Variants in FBXO33 observed in about 807,000 individuals in gnomAD.
FBXO33 encodes F-box only protein 33.
A neutral mutation model predicts 46.3 loss-of-function variants in FBXO33; 22 were observed. The ratio of observed to expected loss-of-function variants is 0.48; its 90% CI spans 0.34 to 0.68. The LOEUF is 0.68. FBXO33 is among the 30% of genes least tolerant of loss of function. The probability of loss-of-function intolerance (pLI) is 0.01; values close to 1 mark genes in which losing one functional copy is unlikely to be tolerated. For synonymous variants in FBXO33, 337 were observed against 291.3 expected (o/e 1.16, Z -1.60); for missense variants, 692 against 708.8 (o/e 0.98, Z 0.27).
At position 39,410,399 on chromosome 14, in the gene FBXO33, C is replaced by T. The variant is rs74882316; in HGVS notation, c.600-7888G>A. Among the ~76,000 whole-genome samples, 34 of 152,226 alleles carry T rather than the reference C, an allele frequency of 2.2e-4. 1 individual carries two copies. The East Asian group carries it at 4.6e-3, about 21-fold the overall frequency. ...AGGGATAAATCCCATTTAGGATATA[C>T]GATCCTTTTAATGTGCTGTCAAATT... On this transcript the variant is annotated intron_variant, in intron 1 of 3. Transcript: ENST00000298097.
At chr14:39,415,642 A>G (rs1021762484) in intron 1 of FBXO33, among the ~76,000 whole-genome samples, 1 of 152,160 alleles carries the variant, frequency 6.6e-6, no homozygotes, top group Non-Finnish European at 1.5e-5. Context: ...CCACCAATTA[A>G]TTATTGGAGT....
intron 1 of FBXO33, 24 bp from the exon 2 acceptor site, chr14:39,402,535 G>A: frequency 8.1e-7 from 1 of 1,227,316 alleles, no homozygotes; most frequent in Non-Finnish European, 1.1e-6. Context: ...CATTTAAAAT[G>A]ATTTGCTAAA....
chr14:39,422,300 C>T (rs1001385789), intron 1 of FBXO33, among the ~76,000 whole-genome samples: 1 of 152,162 alleles, frequency 6.6e-6, no homozygotes, highest in African/African-American at 2.4e-5. Context: ...CAGAATCATA[C>T]TACTCATCAC....
chr14:39,410,205 T>G (rs965831730), intron 1 of FBXO33, among the ~76,000 whole-genome samples: 3 of 152,192 alleles, frequency 2.0e-5, no homozygotes, highest in Non-Finnish European at 4.4e-5. Context: ...TATGTTGAGG[T>G]ACATTCCTCC....
chr14:39,429,024 C>T (rs1462790206), intron 1 of FBXO33, among the ~76,000 whole-genome samples: 1 of 152,130 alleles, frequency 6.6e-6, no homozygotes, highest in Non-Finnish European at 1.5e-5. Flanking sequence ...GTTCCTAAAA[C>T]CTAAGATACA....
chr14:39,430,257 C>A (rs1348327830), intron 1 of FBXO33, among the ~76,000 whole-genome samples: 1 of 152,110 alleles, frequency 6.6e-6, no homozygotes, highest in Non-Finnish European at 1.5e-5. Context: ...GAATGTCTTG[C>A]GAAAAGCTGT....
intron 1 of FBXO33, among the ~76,000 whole-genome samples, chr14:39,411,605 C>G (rs1478797468): frequency 6.7e-6 from 1 of 149,882 alleles, no homozygotes; most frequent in Non-Finnish European, 1.5e-5. Context: ...TCACTGCAAA[C>G]TCTGCCTCCC....
At chr14:39,401,087 T>C in intron 3 of FBXO33, 89 bp downstream of exon 3, 1 of 1,168,426 alleles carries the variant, frequency 8.6e-7, no homozygotes, top group Non-Finnish European at 1.2e-6. Context: ...GATTTCTTGA[T>C]ACTATAAAGG....
Position 39,397,815 on chromosome 14 carries a change from A to G in FBXO33, c.*1701T>C, listed in dbSNP as rs1010693838. On this transcript the variant is annotated 3_prime_UTR_variant, in exon 4 of 4. Transcript: ENST00000298097. ...ATACATTTAACATAAACCATACAAC[A>G]TCAGTCATCAGGTCAAACATTCAGC... The G allele has an allele frequency of 6.5e-6, 1 of 152,674 alleles. No individual in the cohort carries two copies. The highest frequency in any genetic ancestry group is 1.5e-5 in the Non-Finnish European group (1 of 68,050). 9.5% of individuals were successfully genotyped at this position (152,674 alleles called of 1,614,324 possible). A position where few individuals can be genotyped will look rare whatever the true frequency, so the allele number is the denominator to read the frequency against.
chr14:39,430,357 AGATT>A (rs2075536723), intron 1 of FBXO33, among the ~76,000 whole-genome samples: 1 of 152,242 alleles, frequency 6.6e-6, no homozygotes, highest in African/African-American at 2.4e-5. Flanking sequence ...ATTAAGACAC[AGATT>A]AATGGCGCAT....
chr14:39,417,710 T>C (rs543929374), intron 1 of FBXO33, among the ~76,000 whole-genome samples: 322 of 152,246 alleles, frequency 2.1e-3, no homozygotes, highest in Middle Eastern at 3.4e-3. Context: ...TTTGTACTTT[T>C]AGTAGGGATG....
At chr14:39,413,631 A>G (rs188763669) in intron 1 of FBXO33, among the ~76,000 whole-genome samples, 9 of 152,336 alleles carry the variant, frequency 5.9e-5, no homozygotes, top group Admixed American at 3.9e-4. Flanking sequence ...TATTCCTTAA[A>G]TGATAAGACT....
At chr14:39,418,150 G>A (rs567848712) in intron 1 of FBXO33, among the ~76,000 whole-genome samples, 2 of 151,554 alleles carry the variant, frequency 1.3e-5, no homozygotes, top group South Asian at 4.2e-4. Context: ...TGCAAGCTCC[G>A]CCTCCCGGGT....
chr14:39,403,902 A>G (rs1595982137), intron 1 of FBXO33, among the ~76,000 whole-genome samples: 1 of 151,858 alleles, frequency 6.6e-6, no homozygotes, highest in South Asian at 2.1e-4. Context: ...CCTGGGCTTA[A>G]GTGATCCTTC....
intron 1 of FBXO33, among the ~76,000 whole-genome samples, chr14:39,405,601 G>A (rs2075392495): frequency 6.6e-6 from 1 of 151,962 alleles, no homozygotes. Flanking sequence ...TCTTAGAATA[G>A]CAATAAATTA....
chr14:39,418,914 G>A (rs1255514969), intron 1 of FBXO33, among the ~76,000 whole-genome samples: 1 of 152,122 alleles, frequency 6.6e-6, no homozygotes, highest in Non-Finnish European at 1.5e-5. Flanking sequence ...GCCATTCAAA[G>A]GGAACTGAAC....
chr14:39,406,202 A>G (rs1317511168), intron 1 of FBXO33, among the ~76,000 whole-genome samples: 1 of 152,142 alleles, frequency 6.6e-6, no homozygotes, highest in African/African-American at 2.4e-5. Flanking sequence ...AAAGGCTTCT[A>G]AAAGAATGGA....
At chr14:39,403,108 AT>A (rs1394784054) in intron 1 of FBXO33, among the ~76,000 whole-genome samples, 1 of 152,162 alleles carries the variant, frequency 6.6e-6, no homozygotes, top group Non-Finnish European at 1.5e-5. Context: ...TAAGCTCTAA[AT>A]TTTATAGAGA....
At chr14:39,423,106 A>G (rs930438435) in intron 1 of FBXO33, among the ~76,000 whole-genome samples, 16 of 152,304 alleles carry the variant, frequency 1.1e-4, no homozygotes, top group Middle Eastern at 3.4e-3. Context: ...TGGGTGACAG[A>G]GTGAGACTCC....
Sources: allele counts gnomAD v4.1 joint callset (sites outside exome capture counted in the v4.1 genomes callset), GRCh38; gene constraint gnomAD v4.1.1; transcripts MANE v1.5; gene names NCBI Gene and HGNC (gene_info 2026-07-23, HGNC 2026-07-21).